HENMT1: variants seen among roughly 807,000 people sequenced by gnomAD.
The protein encoded by HENMT1 is small RNA 2'-O-methyltransferase.
Under a neutral mutation model 31.1 loss-of-function variants are expected in HENMT1, and 27 were observed. The ratio of observed to expected loss-of-function variants is 0.87; its 90% CI spans 0.64 to 1.20. HENMT1 has a LOEUF of 1.20. Ranked by LOEUF, HENMT1 falls within the 50% of genes most tolerant of loss-of-function variation. The probability of loss-of-function intolerance (pLI) is 0.00; values close to 1 mark genes in which losing one functional copy is unlikely to be tolerated. For synonymous variants in HENMT1, 167 were observed against 172.2 expected (o/e 0.97, Z 0.24); for missense variants, 438 against 469.6 (o/e 0.93, Z 0.62).
chr1:108,653,298 G>A (rs1332975581), intron 5 of HENMT1, among the ~76,000 whole-genome samples: 2 of 152,116 alleles, frequency 1.3e-5, no homozygotes, highest in African/African-American at 2.4e-5. Context: ...TTACAGGCGT[G>A]AGCCACCATG....
At chr1:108,649,460 A>G (rs951674980) in intron 7 of HENMT1, 6 of 441,430 alleles carry the variant, frequency 1.4e-5, no homozygotes, top group African/African-American at 1.2e-4. Context: ...AAAAAACAAA[A>G]CAAAAAAAAG....
At position 108,659,806 on chromosome 1, in the gene HENMT1, A is replaced by G. The variant is rs534614393; in HGVS notation, c.21+58T>C. 34 of 1,093,778 alleles carry G rather than the reference A, an allele frequency of 3.1e-5. No individual in the cohort carries two copies. The East Asian group carries it at 8.3e-4, about 27-fold the overall frequency. The allele number at this position is 1,093,778 out of a possible 1,614,324, so 67.8% of individuals were successfully genotyped here. A position where few individuals can be genotyped will look rare whatever the true frequency, so the allele number is the denominator to read the frequency against. On this transcript the variant is annotated intron_variant, in intron 2 of 7. Transcript: ENST00000651461. The stretch of plus-strand genomic sequence containing the variant: ...CAATTTTGTTTGCAATTATCTCACA[A>G]TACATCCAGGTGATAATTCTTAAGA...
intron 5 of HENMT1, among the ~76,000 whole-genome samples, chr1:108,653,024 A>C (rs956908567): frequency 3.3e-5 from 5 of 149,960 alleles, no homozygotes; most frequent in Non-Finnish European, 5.9e-5. Context: ...CATTGTGCAT[A>C]TACATCCCTT....
At chr1:108,657,183 C>A (rs1570637620) in intron 3 of HENMT1, among the ~76,000 whole-genome samples, 1 of 152,236 alleles carries the variant, frequency 6.6e-6, no homozygotes. Flanking sequence ...AGGAAACAGC[C>A]CCCTCCTTAA....
At chr1:108,659,476 A>G (rs1305265427) in intron 2 of HENMT1, among the ~76,000 whole-genome samples, 2 of 152,158 alleles carry the variant, frequency 1.3e-5, no homozygotes, top group Non-Finnish European at 2.9e-5. Flanking sequence ...GGTACTCCCA[A>G]TGTGGTTTCC....
intron 5 of HENMT1, 50 bp from the exon 6 acceptor site, chr1:108,651,259 C>T: frequency 1.4e-6 from 2 of 1,448,370 alleles, no homozygotes; most frequent in Non-Finnish European, 1.9e-6. Context: ...TCACTTGCAC[C>T]TATTTTTCTA....
chr1:108,650,037 G>GCTA (rs1658001291), intron 7 of HENMT1, 174 bp downstream of exon 7: 2 of 705,022 alleles, frequency 2.8e-6, no homozygotes, highest in Admixed American at 4.0e-5. Context: ...AGTCTCAAAG[G>GCTA]ACACCGTAGG....
intron 5 of HENMT1, among the ~76,000 whole-genome samples, chr1:108,652,516 A>AT (rs1557739383): frequency 2.0e-5 from 3 of 152,388 alleles, no homozygotes; most frequent in East Asian, 3.9e-4. Flanking sequence ...TTGCAATTAT[A>AT]TAACAATTAA....
chr1:108,661,358 G>T (rs1658478082), upstream of HENMT1: 1 of 151,870 alleles, frequency 6.6e-6, no homozygotes, highest in African/African-American at 2.4e-5. Context: ...GGACCCCTGC[G>T]CCTGCCGCGC....
chr1:108,657,707 C>G, intron 2 of HENMT1, 128 bp from the exon 3 acceptor site: 1 of 806,774 alleles, frequency 1.2e-6, no homozygotes, highest in South Asian at 1.6e-5. Flanking sequence ...CTTCACATAC[C>G]CTTTGTCCTA....
rs760127027 is a variant in HENMT1 at position 108,650,312 on chromosome 1, T to C, written c.655A>G (p.Asn219Asp). ...GVGEPPAGAE[N>D]VGYCTQIGIF... ...CCTATCTGGGTACAGTATCCAACAT[T>C]CTCAGCTCCAGCTGGTGGTTCCCCG... The change falls in exon 7 of 8, where the codon AAT (asparagine) becomes GAT (aspartate). Residue 219 changes from asparagine (N) to aspartate (D), a missense_variant. By Grantham distance (23) the Asn-to-Asp change is conservative (BLOSUM62 1). Coordinates refer to ENST00000651461, the MANE Select transcript of HENMT1 (RefSeq NM_001102592.2). The C allele has an allele frequency of 6.2e-7, 1 of 1,614,128 alleles. No homozygotes were observed. Among genetic ancestry groups the C allele is most frequent in the Non-Finnish European group, 8.5e-7 (1 of 1,180,000 alleles).
intron 2 of HENMT1, among the ~76,000 whole-genome samples, chr1:108,659,563 T>A (rs551232306): frequency 6.6e-6 from 1 of 152,098 alleles, no homozygotes; most frequent in African/African-American, 2.4e-5. Context: ...TTAAACAGAA[T>A]CTGCAACTTA....
chr1:108,650,696 G>A (rs991554573), intron 6 of HENMT1, among the ~76,000 whole-genome samples: 3 of 152,180 alleles, frequency 2.0e-5, no homozygotes, highest in Admixed American at 6.5e-5. Context: ...AATTACACCA[G>A]AAAACATGAC....
intron 5 of HENMT1, among the ~76,000 whole-genome samples, chr1:108,654,174 T>C (rs914165112): frequency 1.3e-5 from 2 of 152,178 alleles, no homozygotes; most frequent in Non-Finnish European, 2.9e-5. Context: ...GGTGTCTTTG[T>C]TGAAATCAGT....
At chr1:108,650,138 T>A (rs965509490) in intron 7 of HENMT1, 73 bp downstream of exon 7, 20 of 1,358,952 alleles carry the variant, frequency 1.5e-5, no homozygotes, top group Non-Finnish European at 2.1e-5. Flanking sequence ...CTTTGGGGAT[T>A]CTTACTCCCC....
At chr1:108,650,139 C>G in intron 7 of HENMT1, 72 bp downstream of exon 7, 1 of 1,354,326 alleles carries the variant, frequency 7.4e-7, no homozygotes, top group South Asian at 1.2e-5. Context: ...TTTGGGGATT[C>G]TTACTCCCCA....
chr1:108,652,161 T>C (rs1310715168), intron 5 of HENMT1, among the ~76,000 whole-genome samples: 1 of 152,244 alleles, frequency 6.6e-6, no homozygotes, highest in East Asian at 1.9e-4. Context: ...TTTTAAATTA[T>C]AGCTAAATTT....
chr1:108,659,750 A>T (rs1010802843), intron 2 of HENMT1, 114 bp downstream of exon 2: 13 of 654,224 alleles, frequency 2.0e-5, no homozygotes, highest in Non-Finnish European at 3.5e-5. Flanking sequence ...CTCAACCAAC[A>T]CCCCGGGAAA....
intron 2 of HENMT1, 118 bp from the exon 3 acceptor site, chr1:108,657,697 C>G: frequency 1.1e-6 from 1 of 872,446 alleles, no homozygotes; most frequent in Non-Finnish European, 1.8e-6. Context: ...ACACACTGGC[C>G]TTCACATACC....
Sources: gnomAD v4.1 joint callset for allele counts (sites outside exome capture counted in the v4.1 genomes callset) on GRCh38, gnomAD v4.1.1 for gene constraint, MANE v1.5 for transcripts, NCBI Gene and HGNC (gene_info 2026-07-23, HGNC 2026-07-21) for gene names.